The following CDAN1 variants were observed in gnomAD, a reference collection of about 807,000 sequenced individuals.
The protein encoded by CDAN1 is codanin 1, also known as codanin-1.
In CDAN1, 107 loss-of-function variants were observed where a neutral mutation model predicts 139.8. The ratio of observed to expected loss-of-function variants is 0.77; its 90% CI spans 0.65 to 0.90. The LOEUF is 0.90. Ranked by LOEUF, CDAN1 falls within the 40% of genes least tolerant of loss-of-function variation. The probability of loss-of-function intolerance (pLI) is 0.00; values close to 1 mark genes in which losing one functional copy is unlikely to be tolerated. For missense variants in CDAN1, 1,667 were observed against 1,575.7 expected, an observed-to-expected ratio of 1.06 and a Z score of -0.98; for synonymous variants, 776 against 660.6, an observed-to-expected ratio of 1.17 and a Z score of -2.68.
At chr15:42,728,893 T>C in intron 19 of CDAN1, 83 bp from the exon 20 acceptor site, 1 of 1,605,082 alleles carries the variant, frequency 6.2e-7, no homozygotes, top group East Asian at 2.2e-5. Context: ...TGGTCAGAAA[T>C]TTGCTTCAAA....
At chr15:42,729,173 T>TCCCCCCCCCCCC in intron 18 of CDAN1, 47 bp from the exon 19 acceptor site, 9 of 1,595,066 alleles carry the variant, frequency 5.6e-6, no homozygotes, top group Non-Finnish European at 6.0e-6. Context: ...AGCCTCCCTG[T>TCCCCCCCCCCCC]CCCCGCCCCC....
intron 3 of CDAN1, 89 bp downstream of exon 3, chr15:42,735,786 T>TC: frequency 6.3e-7 from 1 of 1,587,622 alleles, no homozygotes; most frequent in East Asian, 2.2e-5. Flanking sequence ...AAACCCAGAG[T>TC]CCCCAAGAGG....
chr15:42,728,746 G>GTGTC lies in CDAN1; in HGVS notation c.2706_2709dup (p.Gln904AspfsTer101). ...GCTGGGTCTCCCCCTTCCTCTCCCT[G>GTGTC]TGTCACCAGCTGCTCTTGGAGAAGT... is the stretch of plus-strand genomic sequence containing the variant. On this transcript the variant is annotated frameshift_variant, in exon 20 of 28. Coordinates refer to ENST00000356231, the MANE Select transcript of CDAN1 (RefSeq NM_138477.4). LOFTEE classifies it high-confidence loss of function. 6.2e-7 allele frequency: 1 copy of GTGTC among 1,614,186 alleles called. No individual in the cohort carries two copies. Among genetic ancestry groups the GTGTC allele is most frequent in the Non-Finnish European group, 8.5e-7 (1 of 1,180,030 alleles).
chr15:42,732,029 C>T (rs1298362395), intron 10 of CDAN1, among the ~76,000 whole-genome samples: 1 of 152,222 alleles, frequency 6.6e-6, no homozygotes, highest in Non-Finnish European at 1.5e-5. Flanking sequence ...TGCCTAGGGT[C>T]ACTAGAGCTA....
intron 9 of CDAN1, 85 bp downstream of exon 9, chr15:42,733,012 C>G (rs527815816): frequency 3.8e-3 from 3,230 of 860,978 alleles, no homozygotes; most frequent in African/African-American, 6.2e-3. Flanking sequence ...GCGGGGAAAA[C>G]CTTCCCTCCT....
intron 23 of CDAN1, 75 bp downstream of exon 23, chr15:42,727,544 ATG>A: frequency 7.5e-7 from 1 of 1,335,564 alleles, no homozygotes; most frequent in Non-Finnish European, 1.0e-6. Flanking sequence ...CCTGGAGCTG[ATG>A]TGAGAAAGGA....
Position 42,736,223 on chromosome 15 carries a change from C to T in CDAN1, c.569+79G>A, listed in dbSNP as rs770306915. ...GCCTTCTACCCATCCTGGCGCTCCA[C>T]TGCGGAGCGCCGAGCTCGAATGACT... On this transcript the variant is annotated intron_variant, in intron 2 of 27. Transcript: ENST00000356231. 4 of 1,593,752 alleles carry T rather than the reference C, an allele frequency of 2.5e-6. No homozygotes were observed. The Admixed American group carries it at 7.1e-5, about 28-fold the overall frequency.
At chr15:42,732,970 G>T in intron 9 of CDAN1, 127 bp downstream of exon 9, 1 of 785,544 alleles carries the variant, frequency 1.3e-6, no homozygotes. Flanking sequence ...AGATTTCGGA[G>T]GATAGTAGAA....
At chr15:42,729,645 A>C in intron 16 of CDAN1, 23 bp from the exon 17 acceptor site, 1 of 1,613,590 alleles carries the variant, frequency 6.2e-7, no homozygotes, top group African/African-American at 1.3e-5. Flanking sequence ...GGTTGGTGTC[A>C]GCAGACTGCC....
In CDAN1 at chr15:42,736,308, G is replaced by A. The variant is rs1287105199; in HGVS notation, c.563C>T (p.Pro188Leu). 2 of 1,613,614 alleles carry A rather than the reference G, an allele frequency of 1.2e-6. No homozygotes were observed. Among genetic ancestry groups the A allele is most frequent in the Middle Eastern group, 1.6e-4 (1 of 6,084 alleles). Residue 188 changes from proline (P) to leucine (L), a missense_variant, in exon 2 of 28, where the codon CCT (proline) becomes CTT (leucine). Pro to Leu is a moderately conservative substitution (Grantham distance 98). Coordinates refer to ENST00000356231, the MANE Select transcript of CDAN1 (RefSeq NM_138477.4). Reference protein sequence around the residue: ...FPPVGSVPPGPTGTKPSRRIN... With the variant: ...FPPVGSVPPGLTGTKPSRRIN... ...CATGAGAGCTGAGTCTCACCCTGTA[G>A]GGCCGGGGGGAACCGAGCCTACGGG...
intron 8 of CDAN1, 29 bp from the exon 9 acceptor site, chr15:42,733,215 A>C (rs1406180596): frequency 1.3e-6 from 2 of 1,587,206 alleles, no homozygotes; most frequent in South Asian, 1.1e-5. Flanking sequence ...TGATCAGCCG[A>C]GGCACTCACT....
chr15:42,736,141 C>G, intron 2 of CDAN1, 63 bp from the exon 3 acceptor site: 1 of 1,583,334 alleles, frequency 6.3e-7, no homozygotes, highest in Non-Finnish European at 8.6e-7. Context: ...CCTCCACCAC[C>G]GCAACAGCTA....
At chr15:42,724,932 C>T (rs2061502749) in intron 27 of CDAN1, 27 of 642,594 alleles carry the variant, frequency 4.2e-5, no homozygotes, top group Non-Finnish European at 7.5e-5. Flanking sequence ...ATGGGCTGTG[C>T]TGCTTTCCAA....
Position 42,734,028 on chromosome 15 carries a change from G to A in CDAN1, c.1277C>T (p.Pro426Leu). 6.2e-7 allele frequency: 1 copy of A among 1,613,930 alleles called. No individual in the cohort carries two copies. The highest frequency in any genetic ancestry group is 8.5e-7 in the Non-Finnish European group (1 of 1,179,792). ...CTGAAAGGAGACAGCTTGAGTAGAGGGAGGCATCACCAGAGAGACCTAAAA... is the reference window on the plus strand; with the variant it reads ...CTGAAAGGAGACAGCTTGAGTAGAGAGAGGCATCACCAGAGAGACCTAAAA... ...SVAKVSLVMP[P>L]STQAVSFQPE... Residue 426 changes from proline to leucine, a missense_variant, in exon 8 of 28, where the codon CCC (proline) becomes CTC (leucine). Around this residue, in one of 3 missense-constraint regions of CDAN1, gnomAD observed 244 missense variants for 309.4 expected, o/e 0.79. Transcript: ENST00000356231.
chr15:42,729,069 C>T lies in CDAN1; in HGVS notation c.2599G>A (p.Glu867Lys). 6.2e-7 allele frequency: 1 copy of T among 1,614,224 alleles called. No homozygotes were observed. The highest frequency in any genetic ancestry group is 8.5e-7 in the Non-Finnish European group (1 of 1,180,036). Residue 867 changes from glutamate (E) to lysine (K), a missense_variant, in exon 19 of 28, where the codon GAG becomes AAG. Glu to Lys is a moderately conservative substitution (Grantham distance 56, BLOSUM62 1). Transcript: ENST00000356231. ...NQPPSLRRTV[E>K]FVAERIGSNC... is the part of the protein sequence containing the mutation. ...GATCCAATTCTTTCTGCCACGAACTCTACGGTCCGGCGCAAGGAGGGCGGC... is the reference window on the plus strand; with the variant it reads ...GATCCAATTCTTTCTGCCACGAACTTTACGGTCCGGCGCAAGGAGGGCGGC...
chr15:42,727,561 CCAGGAACAGAG>C, intron 23 of CDAN1, 49 bp downstream of exon 23: 3 of 1,434,822 alleles, frequency 2.1e-6, no homozygotes, highest in Non-Finnish European at 2.8e-6. Flanking sequence ...AAAGGAAAAA[CCAGGAACAGAG>C]CAGGGGGGTG....
rs1353217180 is a variant in CDAN1 at position 42,726,309 on chromosome 15, C to A, written c.3204+1G>T. On this transcript the variant is annotated splice_donor_variant, in intron 24 of 27. Transcript: ENST00000356231. LOFTEE classifies it high-confidence loss of function. ...CCCCGGTGGCAGATGCCACAGCTCA[C>A]CTGGCGGCACCGCAGCGTCTGGCCC... 6.3e-7 allele frequency: 1 copy of A among 1,587,490 alleles called. No individual in the cohort carries two copies. Among genetic ancestry groups the A allele is most frequent in the Non-Finnish European group, 8.6e-7 (1 of 1,166,840 alleles).
Position 42,734,240 on chromosome 15 carries a change from C to A in CDAN1, c.1243G>T (p.Gly415Cys), listed in dbSNP as rs2061656845. Reference sequence around the variant, plus strand: ...GGGGTTACTACCTTGGCAACACTGCCCTCATAGGCAGCTCGAAGGCGGCCT... The same window carrying A: ...GGGGTTACTACCTTGGCAACACTGCACTCATAGGCAGCTCGAAGGCGGCCT... ...LQGRLRAAYE[G>C]SVAKVSLVMP... is the part of the protein sequence containing the mutation. Residue 415 changes from glycine (G) to cysteine (C), a missense_variant, in exon 7 of 28, where the codon GGC (glycine) becomes TGC (cysteine). Coordinates refer to ENST00000356231, the MANE Select transcript of CDAN1 (RefSeq NM_138477.4). 4 of 1,613,984 alleles carry A rather than the reference C, an allele frequency of 2.5e-6. No individual in the cohort carries two copies. The highest frequency in any genetic ancestry group is 1.7e-5 in the Admixed American group (1 of 60,000).
Position 42,730,028 on chromosome 15 carries a change from T to A in CDAN1, c.2262+100A>T. 3.8e-6 allele frequency: 5 copies of A among 1,310,814 alleles called. No homozygotes were observed. The South Asian group carries it at 4.8e-5, about 12-fold the overall frequency. 81.2% of individuals were successfully genotyped at this position (1,310,814 alleles called of 1,614,324 possible). On this transcript the variant is annotated intron_variant, in intron 15 of 27. Coordinates refer to ENST00000356231, the MANE Select transcript of CDAN1 (RefSeq NM_138477.4). ...GGAATCCCCAGGCCTTTCCTGAACC[T>A]TCGTCTTCCAGCCCTTGCCTCATTC...
Sources: gnomAD v4.1 joint callset for allele counts (sites outside exome capture counted in the v4.1 genomes callset) on GRCh38, gnomAD v4.1.1 for gene constraint, gnomAD v4.1.1 regional missense constraint, MANE v1.5 for transcripts, NCBI Gene and HGNC (gene_info 2026-07-23, HGNC 2026-07-21) for gene names.